The following PODXL2 variants were observed in gnomAD, a reference collection of about 807,000 sequenced individuals.
PODXL2 encodes the protein podocalyxin like 2, also known as podocalyxin-like protein 2.
In PODXL2, 17 loss-of-function variants were observed where a neutral mutation model predicts 53.4. The ratio of observed to expected loss-of-function variants is 0.32; its 90% CI spans 0.22 to 0.48. The LOEUF (loss-of-function observed/expected upper bound fraction) is 0.48. PODXL2 is among the 20% of genes least tolerant of loss of function. The probability of loss-of-function intolerance (pLI) is 0.99; values close to 1 mark genes in which losing one functional copy is unlikely to be tolerated. For synonymous variants in PODXL2, 311 were observed against 306.7 expected (o/e 1.01, Z -0.15); for missense variants, 673 against 760.0 (o/e 0.89, Z 1.35).
intron 4 of PODXL2, among the ~76,000 whole-genome samples, chr3:127,663,353 A>G (rs1232553700): frequency 6.6e-6 from 1 of 152,182 alleles, no homozygotes; most frequent in Non-Finnish European, 1.5e-5. Context: ...AGTTTGCTAA[A>G]TTAGGAAATT....
intron 2 of PODXL2, among the ~76,000 whole-genome samples, chr3:127,642,836 G>T (rs955490822): frequency 2.6e-5 from 4 of 152,108 alleles, no homozygotes; most frequent in Admixed American, 6.6e-5. Flanking sequence ...AGTCAGGAAG[G>T]CTCCAGTGCT....
chr3:127,658,877 C>A (rs1304114241), intron 2 of PODXL2, among the ~76,000 whole-genome samples: 3 of 152,052 alleles, frequency 2.0e-5, no homozygotes, highest in Non-Finnish European at 4.4e-5. Context: ...TTGGTTCTAT[C>A]TTTCCAGAAA....
intron 2 of PODXL2, among the ~76,000 whole-genome samples, chr3:127,657,262 T>C (rs2074731274): frequency 6.6e-6 from 1 of 152,178 alleles, no homozygotes; most frequent in African/African-American, 2.4e-5. Context: ...AGTAGAGAGA[T>C]CGTTTTAGTC....
rs1338474494 is a variant in PODXL2 at position 127,660,711 on chromosome 3, A to C, written c.683A>C (p.Gln228Pro). Residue 228 changes from glutamine to proline, a missense_variant, in exon 3 of 8, where the codon CAG becomes CCG. Gln to Pro is a moderately conservative substitution (Grantham distance 76). Coordinates refer to ENST00000342480, the MANE Select transcript of PODXL2 (RefSeq NM_015720.4). Reference protein sequence around the residue: ...TKSRHEDSGDQASSGVEVESS... With the variant: ...TKSRHEDSGDPASSGVEVESS... ...AGCAGGCATGAAGACTCCGGGGACCAGGCCTCATCAGGTGTGGAGGTGGAG... is the reference window on the plus strand; with the variant it reads ...AGCAGGCATGAAGACTCCGGGGACCCGGCCTCATCAGGTGTGGAGGTGGAG... 2 of 1,614,076 alleles carry C rather than the reference A, an allele frequency of 1.2e-6. No homozygotes were observed. The highest frequency in any genetic ancestry group is 3.3e-5 in the Admixed American group (2 of 60,004).
At chr3:127,667,224 A>G (rs1447631808) in intron 4 of PODXL2, among the ~76,000 whole-genome samples, 2 of 152,260 alleles carry the variant, frequency 1.3e-5, no homozygotes, top group Non-Finnish European at 2.9e-5. Context: ...CAGCATTTCA[A>G]TCCCTCTGGT....
chr3:127,649,800 G>A (rs1223099299), intron 2 of PODXL2, among the ~76,000 whole-genome samples: 1 of 152,214 alleles, frequency 6.6e-6, no homozygotes, highest in Non-Finnish European at 1.5e-5. Context: ...GGCTGGGTGT[G>A]GTGGTGGGTG....
In PODXL2 at chr3:127,629,499, C is replaced by A. The variant is rs931126820; in HGVS notation, c.70+210C>A. The stretch of plus-strand genomic sequence containing the variant: ...GGGCGCCTGGCGTGCCGGGCGACCC[C>A]CGACAAAGGCGCGGCGGTGAAGCTG... On this transcript the variant is annotated intron_variant, in intron 1 of 7. Coordinates refer to ENST00000342480, the MANE Select transcript of PODXL2 (RefSeq NM_015720.4). This position sits in a 1 kb window ranked among gnomAD's most constrained non-coding sequence, Gnocchi z 6.4. Among the ~76,000 whole-genome samples the A allele has an allele frequency of 6.6e-6, 1 of 151,012 alleles. No individual in the cohort carries two copies. Among genetic ancestry groups the A allele is most frequent in the Non-Finnish European group, 1.5e-5 (1 of 67,626 alleles).
At chr3:127,663,027 C>T (rs1054079636) in intron 4 of PODXL2, among the ~76,000 whole-genome samples, 3 of 152,134 alleles carry the variant, frequency 2.0e-5, no homozygotes, top group African/African-American at 7.2e-5. Flanking sequence ...TGACCTTCTC[C>T]CTCCCCAAAA....
intron 1 of PODXL2, among the ~76,000 whole-genome samples, chr3:127,635,821 A>T (rs925936723): frequency 2.6e-5 from 4 of 152,228 alleles, no homozygotes; most frequent in Non-Finnish European, 2.9e-5. Context: ...TAGTTTGGCA[A>T]TTTAGGCTGC....
chr3:127,643,444 A>G (rs954166999), intron 2 of PODXL2, among the ~76,000 whole-genome samples: 13 of 152,130 alleles, frequency 8.5e-5, no homozygotes, highest in South Asian at 2.1e-4. Flanking sequence ...TCCTGATCTC[A>G]AGTGATCCAC....
At chr3:127,663,585 A>G (rs1374142265) in intron 4 of PODXL2, among the ~76,000 whole-genome samples, 2 of 152,162 alleles carry the variant, frequency 1.3e-5, no homozygotes, top group Non-Finnish European at 2.9e-5. Context: ...GTGTGTTTTC[A>G]TCCATTGCAG....
At position 127,661,032 on chromosome 3, in the gene PODXL2, C is replaced by A. The variant is rs1351047141; in HGVS notation, c.1004C>A (p.Pro335Gln). The part of the protein sequence containing the change: ...PLGSRTSASS[P>Q]LAPGDMELTP... The stretch of plus-strand genomic sequence containing the variant: ...GGCTCTAGAACCTCAGCCTCTTCCC[C>A]ACTGGCCCCTGGAGACATGGAACTG... Residue 335 changes from proline to glutamine, a missense_variant, in exon 3 of 8, where the codon CCA becomes CAA. Pro to Gln is a moderately conservative substitution (Grantham distance 76, BLOSUM62 -1). Around this residue, in one of 3 missense-constraint regions of PODXL2, gnomAD observed 588 missense variants for 668.3 expected, o/e 0.88. Transcript: ENST00000342480. 25 of 1,614,240 alleles carry A rather than the reference C, an allele frequency of 1.5e-5. No individual in the cohort carries two copies. Among genetic ancestry groups the A allele is most frequent in the Middle Eastern group, 1.6e-4 (1 of 6,062 alleles).
intron 6 of PODXL2, among the ~76,000 whole-genome samples, chr3:127,670,290 G>C (rs1432141237): frequency 2.0e-5 from 3 of 152,202 alleles, no homozygotes; most frequent in Non-Finnish European, 4.4e-5. Flanking sequence ...GGTAGAGCCA[G>C]GCTTTGCAGG....
chr3:127,669,155 C>G lies in PODXL2; in HGVS notation c.1378C>G (p.Gln460Glu), dbSNP rs1307643773. The change falls in exon 6 of 8, where the codon CAA becomes GAA. Residue 460 changes from glutamine (Q) to glutamate (E), a missense_variant. Around this residue, in one of 3 missense-constraint regions of PODXL2, gnomAD observed 588 missense variants for 668.3 expected, o/e 0.88. Coordinates refer to ENST00000342480, the MANE Select transcript of PODXL2 (RefSeq NM_015720.4). Reference protein sequence around the residue: ...LVGEQGVVPTQDVLSMLGDIR... With the variant: ...LVGEQGVVPTEDVLSMLGDIR... Reference sequence around the variant, plus strand: ...TTACCCCCCAGGGGTGGTGCCCACTCAAGATGTCCTTTCCATGCTGGGTGA... The same window carrying G: ...TTACCCCCCAGGGGTGGTGCCCACTGAAGATGTCCTTTCCATGCTGGGTGA... 6.2e-7 allele frequency: 1 copy of G among 1,606,264 alleles called. No individual in the cohort carries two copies. The highest frequency in any genetic ancestry group is 8.5e-7 in the Non-Finnish European group (1 of 1,176,642).
intron 2 of PODXL2, among the ~76,000 whole-genome samples, chr3:127,647,704 G>A (rs1245160323): frequency 1.3e-5 from 2 of 152,194 alleles, no homozygotes; most frequent in Non-Finnish European, 2.9e-5. Flanking sequence ...GCTGGTCCTG[G>A]GCACCGGCTT....
chr3:127,661,289 AC>A, intron 3 of PODXL2, 130 bp downstream of exon 3: 1 of 659,572 alleles, frequency 1.5e-6, no homozygotes, highest in Non-Finnish European at 2.6e-6. Context: ...AGCACGTAGA[AC>A]CCCATGGAAC....
intron 2 of PODXL2, among the ~76,000 whole-genome samples, chr3:127,640,223 C>A (rs1056254239): frequency 6.6e-6 from 1 of 152,186 alleles, no homozygotes; most frequent in Non-Finnish European, 1.5e-5. Flanking sequence ...GCCAGCAGGG[C>A]CCCATCTCTT....
intron 2 of PODXL2, among the ~76,000 whole-genome samples, chr3:127,643,593 C>G (rs1336709080): frequency 2.6e-5 from 4 of 151,764 alleles, no homozygotes; most frequent in Admixed American, 1.3e-4. Context: ...ATACATGCAC[C>G]TTTCTTCCTT....
At chr3:127,669,332 G>C (rs1278568317) in intron 6 of PODXL2, 130 bp downstream of exon 6, 2 of 649,966 alleles carry the variant, frequency 3.1e-6, no homozygotes, top group African/African-American at 3.9e-5. Context: ...CTCTGGGCAG[G>C]TTCCTTGCTT....
Sources: gnomAD v4.1 joint callset for allele counts (sites outside exome capture counted in the v4.1 genomes callset) on GRCh38, gnomAD v4.1.1 for gene constraint, gnomAD v4.1.1 regional missense constraint, Gnocchi (gnomAD v3.1) non-coding constraint, MANE v1.5 for transcripts, NCBI Gene and HGNC (gene_info 2026-07-23, HGNC 2026-07-21) for gene names.